Variants in USH1C observed in about 807,000 individuals in gnomAD.
The protein encoded by USH1C is harmonin.
In USH1C, 90 loss-of-function variants were observed where a neutral mutation model predicts 119.3. That is an observed-to-expected ratio of 0.75 (90% CI 0.64 to 0.90). The LOEUF (loss-of-function observed/expected upper bound fraction) is 0.90, where lower values mean the gene tolerates loss of function less well. Ranked by LOEUF, USH1C falls within the 40% of genes least tolerant of loss-of-function variation. The pLI is 0.00. For synonymous variants in USH1C, 465 were observed against 443.3 expected (o/e 1.05, Z -0.62); for missense variants, 1,165 against 1,167.7 (o/e 1.00, Z 0.03).
chr11:17,513,387 C>G (rs1171149366), intron 15 of USH1C, among the ~76,000 whole-genome samples: 1 of 151,908 alleles, frequency 6.6e-6, no homozygotes, highest in Non-Finnish European at 1.5e-5. Flanking sequence ...TTTTCTGAAT[C>G]ATCTTAGTAT....
chr11:17,527,245 T>A lies in USH1C; in HGVS notation c.474A>T (p.Lys158Asn), dbSNP rs757763475. ...EEVINLIRTK[K>N]TVSIKVRHIG... ...CACGTCTCACTTTGATGGACACAGT[T>A]TTCTTGGTTCGAATGAGGTTGATGA... is the stretch of plus-strand genomic sequence containing the variant. Residue 158 changes from lysine to asparagine, a missense_variant, in exon 5 of 27, where the codon AAA becomes AAT. Coordinates refer to ENST00000005226, the MANE Select transcript of USH1C (RefSeq NM_153676.4). The A allele has an allele frequency of 1.2e-6, 2 of 1,608,012 alleles. No individual in the cohort carries two copies. The highest frequency in any genetic ancestry group is 1.7e-6 in the Non-Finnish European group (2 of 1,177,472).
intron 26 of USH1C, 55 bp downstream of exon 26, chr11:17,495,514 G>A (rs763005539): frequency 1.1e-5 from 17 of 1,546,302 alleles, no homozygotes; most frequent in Non-Finnish European, 1.5e-5. Flanking sequence ...GGCAGCAGAT[G>A]GCCACTGCAA....
chr11:17,498,190 G>A lies in USH1C; in HGVS notation c.2462C>T (p.Ala821Val), dbSNP rs766575368. ...GCCCTGATTCCAGGCCTTCTGCAGG[G>A]CAGCCTCAGCCTCAGCCAGGGTGTA... is the stretch of plus-strand genomic sequence containing the variant. ...TDYTLAEAEA[A>V]LQKAWNQGGD... The change falls in exon 24 of 27, where the codon GCC becomes GTC. Residue 821 changes from alanine (A) to valine (V), a missense_variant. Physicochemically the swap from Ala to Val is moderately conservative, Grantham distance 64. Coordinates refer to ENST00000005226, the MANE Select transcript of USH1C (RefSeq NM_153676.4). 6.2e-7 allele frequency: 1 copy of A among 1,614,124 alleles called. No homozygotes were observed. The highest frequency in any genetic ancestry group is 8.5e-7 in the Non-Finnish European group (1 of 1,179,972).
At chr11:17,498,013 G>T in intron 24 of USH1C, 149 bp downstream of exon 24, 1 of 656,046 alleles carries the variant, frequency 1.5e-6, no homozygotes, top group Non-Finnish European at 2.7e-6. Flanking sequence ...TAAACCACAG[G>T]CTGGATGGGG....
rs372926351 is a variant in USH1C at position 17,511,893 on chromosome 11, G to A, written c.1413+9C>T. On this transcript the variant is annotated intron_variant, in intron 16 of 26. Transcript: ENST00000005226. Reference sequence around the variant, plus strand: ...GGTTGCTTGCCTGGCCTGCAGGCAGGACACATACCTCCTGGGCCAGCCGGT... The same window carrying A: ...GGTTGCTTGCCTGGCCTGCAGGCAGAACACATACCTCCTGGGCCAGCCGGT... 3.7e-6 allele frequency: 6 copies of A among 1,612,294 alleles called. No homozygotes were observed. Among genetic ancestry groups the A allele is most frequent in the Non-Finnish European group, 5.1e-6 (6 of 1,179,282 alleles).
chr11:17,525,940 C>T (rs745810793), intron 8 of USH1C, among the ~76,000 whole-genome samples: 1 of 152,204 alleles, frequency 6.6e-6, no homozygotes, highest in Non-Finnish European at 1.5e-5. Flanking sequence ...GTGCTTCATG[C>T]CTCTAATCCC....
chr11:17,499,136 G>GT (rs1849347223), intron 23 of USH1C, among the ~76,000 whole-genome samples: 1 of 152,214 alleles, frequency 6.6e-6, no homozygotes, highest in Non-Finnish European at 1.5e-5. Flanking sequence ...CAGATTGTGC[G>GT]TGGTTTTCCA....
At chr11:17,518,901 C>T (rs1850281284) in intron 14 of USH1C, among the ~76,000 whole-genome samples, 1 of 152,124 alleles carries the variant, frequency 6.6e-6, no homozygotes, top group Non-Finnish European at 1.5e-5. Context: ...TGCCTGTAGT[C>T]CCAGCTACTC....
At chr11:17,517,418 C>A in intron 14 of USH1C, 1 of 1,590,148 alleles carries the variant, frequency 6.3e-7, no homozygotes. Flanking sequence ...CCCTGCTCCT[C>A]CGTGCCTCCA....
rs1165732123 is a variant in USH1C at position 17,498,179 on chromosome 11, CCTT to C, written c.2470_2472del (p.Lys824del). 1 of 1,614,142 alleles carries C rather than the reference CCTT, an allele frequency of 6.2e-7. No individual in the cohort carries two copies. The highest frequency in any genetic ancestry group is 1.7e-5 in the Admixed American group (1 of 60,034). On this transcript the variant is annotated inframe_deletion, in exon 24 of 27. Coordinates refer to ENST00000005226, the MANE Select transcript of USH1C (RefSeq NM_153676.4). ...ATTCTTACCCCGCCCTGATTCCAGG[CCTT>C]CTGCAGGGCAGCCTCAGCCTCAGCC...
At chr11:17,501,904 G>A (rs187958359) in intron 21 of USH1C, 35 bp downstream of exon 21, 186 of 1,609,878 alleles carry the variant, frequency 1.2e-4, no homozygotes, top group Admixed American at 4.2e-4. Context: ...CTGTTCCTGG[G>A]GTTACTTGTC....
chr11:17,509,233 G>A, intron 18 of USH1C, 123 bp downstream of exon 18: 1 of 1,374,062 alleles, frequency 7.3e-7, no homozygotes, highest in Non-Finnish European at 9.6e-7. Context: ...GGCATTCCTG[G>A]AAAATGGGGT....
intron 1 of USH1C, among the ~76,000 whole-genome samples, chr11:17,536,411 T>C (rs1021726365): frequency 7.2e-5 from 11 of 152,198 alleles, no homozygotes; most frequent in Admixed American, 5.9e-4. Context: ...AAAACTGAGG[T>C]AGAAGAGTAA....
At chr11:17,513,497 C>G (rs1849992759) in intron 15 of USH1C, among the ~76,000 whole-genome samples, 1 of 152,194 alleles carries the variant, frequency 6.6e-6, no homozygotes, top group Non-Finnish European at 1.5e-5. Context: ...CTCTGAGGGA[C>G]TCTTCCTAGC....
At position 17,531,700 on chromosome 11, in the gene USH1C, C is replaced by T. The variant is rs1234079186; in HGVS notation, c.105-158G>A. On this transcript the variant is annotated intron_variant, in intron 2 of 26. Transcript: ENST00000005226. This position sits in a 1 kb window ranked among gnomAD's most constrained non-coding sequence, Gnocchi z 4.2. ...AGAGCTCTTCACACCGGGCCAGTGCCTGAGAAGACTTTGTTCTCTTATATA... is the reference window on the plus strand; with the variant it reads ...AGAGCTCTTCACACCGGGCCAGTGCTTGAGAAGACTTTGTTCTCTTATATA... 6.6e-6 allele frequency among the ~76,000 whole-genome samples: 1 copy of T among 152,202 alleles called. No individual in the cohort carries two copies. The highest frequency in any genetic ancestry group is 2.4e-5 in the African/African-American group (1 of 41,438).
chr11:17,516,872 C>T (rs1163459686), intron 14 of USH1C, among the ~76,000 whole-genome samples: 3 of 152,112 alleles, frequency 2.0e-5, no homozygotes, highest in Admixed American at 1.3e-4. Context: ...AGGAGATGTG[C>T]CCCCAGAAAA....
chr11:17,522,880 C>G lies in USH1C; in HGVS notation c.923G>C (p.Arg308Pro). 6.2e-7 allele frequency: 1 copy of G among 1,611,194 alleles called. No homozygotes were observed. Among genetic ancestry groups the G allele is most frequent in the Non-Finnish European group, 8.5e-7 (1 of 1,179,162 alleles). Residue 308 changes from arginine to proline, a missense_variant, in exon 12 of 27, where the codon CGG (arginine) becomes CCG (proline). Coordinates refer to ENST00000005226, the MANE Select transcript of USH1C (RefSeq NM_153676.4). ...MTDRERLAEA[R>P]QRELQRQELL... ...CTCCTGCCGCTGCAGCTCACGCTGCCGCGCCTCTGCCAGCCGCTCCCGGTC... is the reference window on the plus strand; with the variant it reads ...CTCCTGCCGCTGCAGCTCACGCTGCGGCGCCTCTGCCAGCCGCTCCCGGTC...
Position 17,533,469 on chromosome 11 carries a change from G to C in USH1C, c.37-147C>G, listed in dbSNP as rs553721017. On this transcript the variant is annotated intron_variant, in intron 1 of 26. Transcript: ENST00000005226. The stretch of plus-strand genomic sequence containing the variant: ...GGAGAGAAGAGGAGCCACAGGCCAG[G>C]CTGCCCCTCTGACCCCAATGCATCA... The C allele has an allele frequency of 4.2e-6, 3 of 707,922 alleles. No individual in the cohort carries two copies. In the South Asian group the frequency reaches 4.5e-5, roughly 11 times the overall value. 43.9% of individuals were successfully genotyped at this position (707,922 alleles called of 1,614,324 possible).
chr11:17,511,868 G>C (rs1203886736), intron 16 of USH1C, 34 bp downstream of exon 16: 9 of 1,601,282 alleles, frequency 5.6e-6, no homozygotes, highest in Non-Finnish European at 7.7e-6. Flanking sequence ...TGTGTCCCAG[G>C]GTTGCTTGCC....
Sources: allele counts gnomAD v4.1 joint callset (sites outside exome capture counted in the v4.1 genomes callset), GRCh38; gene constraint gnomAD v4.1.1; non-coding constraint Gnocchi (gnomAD v3.1); transcripts MANE v1.5; gene names NCBI Gene and HGNC (gene_info 2026-07-23, HGNC 2026-07-21).